The following ANKRD54 variants were observed in gnomAD, a reference collection of about 807,000 sequenced individuals.
ANKRD54 encodes ankyrin repeat domain 54, also known as ankyrin repeat domain-containing protein 54.
ANKRD54 carries 26 observed loss-of-function variants against 36.2 expected under a neutral mutation model. That is an observed-to-expected ratio of 0.72 (90% confidence interval 0.53 to 1.00). The LOEUF (loss-of-function observed/expected upper bound fraction) is 1.00. ANKRD54 is among the 50% of genes least tolerant of loss of function. The pLI, the probability that ANKRD54 is intolerant of heterozygous loss-of-function variation, is 0.00. For synonymous variants in ANKRD54, 209 were observed against 188.4 expected, an observed-to-expected ratio of 1.11 and a Z score of -0.89; for missense variants, 384 against 424.3, an observed-to-expected ratio of 0.91 and a Z score of 0.83.
chr22:37,844,170 G>A lies in ANKRD54; in HGVS notation c.69C>T (p.Cys23=), dbSNP rs765715116. The change falls in exon 1 of 8, where the codon TGC becomes TGT. Residue 23 remains cysteine, a synonymous_variant. Transcript: ENST00000215941. ...RSGHSSSEGE[C]AVAPEPLTDA... is the part of the protein sequence containing the mutation. ...CAGTCAGCGGCTCCGGCGCCACCGC[G>A]CACTCGCCCTCCGAGCTCGAGTGGC... 8 of 1,501,350 alleles carry A rather than the reference G, an allele frequency of 5.3e-6. No homozygotes were observed. In the South Asian group the frequency reaches 6.2e-5, roughly 12 times the overall value. 93.0% of individuals were successfully genotyped at this position (1,501,350 alleles called of 1,614,324 possible).
chr22:37,836,620 GA>G (rs1923583520), intron 3 of ANKRD54, among the ~76,000 whole-genome samples: 1 of 151,878 alleles, frequency 6.6e-6, no homozygotes, highest in African/African-American at 2.4e-5. Flanking sequence ...CCTAATGCAT[GA>G]GGGGCTTAAA....
chr22:37,849,322 T>C (rs185437710), upstream of ANKRD54: 12 of 1,148,262 alleles, frequency 1.0e-5, no homozygotes, highest in Admixed American at 8.5e-5. Context: ...CTGTCTCAGA[T>C]GGCCAGAGGC....
chr22:37,840,351 G>T (rs1339949316), intron 1 of ANKRD54, 117 bp from the exon 2 acceptor site: 2 of 1,064,688 alleles, frequency 1.9e-6, no homozygotes, highest in African/African-American at 1.6e-5. Flanking sequence ...AAGGTCAGGA[G>T]ATCGAGACCA....
rs8136916 is a variant in ANKRD54, at chr22:37,837,930, G to A, written c.475+570C>T. ...GGGTGGATCACGAGGTCAGGAGATCGAGACCATACTGGCTAATACAGTGAA... is the reference window on the plus strand; with the variant it reads ...GGGTGGATCACGAGGTCAGGAGATCAAGACCATACTGGCTAATACAGTGAA... On this transcript the variant is annotated intron_variant, in intron 3 of 7. Transcript: ENST00000215941. 3.8e-3 allele frequency among the ~76,000 whole-genome samples: 574 copies of A among 152,216 alleles called. 1 individual carries two copies. The highest frequency in any genetic ancestry group is 0.013 in the African/African-American group (545 of 41,530).
upstream of ANKRD54, among the ~76,000 whole-genome samples, chr22:37,847,006 A>G (rs1601745343): frequency 6.6e-6 from 1 of 150,704 alleles, no homozygotes; most frequent in African/African-American, 2.4e-5. Flanking sequence ...GGCGCCCGCC[A>G]CTACGCCCGG....
intron 3 of ANKRD54, chr22:37,833,958 T>C: frequency 1.8e-6 from 1 of 568,098 alleles, no homozygotes; most frequent in Non-Finnish European, 3.2e-6. Flanking sequence ...GAACTGAGGA[T>C]TTGGGGAGGG....
upstream of ANKRD54, chr22:37,844,399 G>C: frequency 2.8e-6 from 2 of 708,736 alleles, no homozygotes; most frequent in Non-Finnish European, 4.4e-6. Flanking sequence ...GAGACAGAGC[G>C]GCGAACCAAT....
chr22:37,844,409 T>C (rs777674186), upstream of ANKRD54: 1 of 613,512 alleles, frequency 1.6e-6, no homozygotes, highest in East Asian at 3.3e-5. Flanking sequence ...GGCGAACCAA[T>C]GACTACCCTT....
rs1001464413 is a variant in ANKRD54, at chr22:37,831,888, G to A, written c.*55C>T. 2.3e-5 allele frequency: 36 copies of A among 1,583,236 alleles called. No homozygotes were observed. Among genetic ancestry groups the A allele is most frequent in the Admixed American group, 1.0e-4 (6 of 58,960 alleles). ...AGATGTTGGGCTTTTTCTTGGTACT[G>A]AGACAGCAGTGGGGCAGGGTGGGGC... On this transcript the variant is annotated 3_prime_UTR_variant, in exon 8 of 8. Transcript: ENST00000215941.
chr22:37,847,964 T>TG (rs987685879), upstream of ANKRD54, among the ~76,000 whole-genome samples: 2 of 151,006 alleles, frequency 1.3e-5, no homozygotes, highest in African/African-American at 4.9e-5. Context: ...GGAATGGGAG[T>TG]GGGGGTGCCA....
chr22:37,838,624 A>G (rs371296331), intron 2 of ANKRD54, 26 bp from the exon 3 acceptor site: 65 of 1,593,836 alleles, frequency 4.1e-5, no homozygotes, highest in Non-Finnish European at 5.5e-5. Context: ...CAGAGGGAGG[A>G]AGGGGGAGAA....
upstream of ANKRD54, among the ~76,000 whole-genome samples, chr22:37,847,414 G>C (rs1453278337): frequency 6.6e-6 from 1 of 152,026 alleles, no homozygotes; most frequent in Non-Finnish European, 1.5e-5. Context: ...CATCTGCCTT[G>C]GCCTCCCAAA....
At chr22:37,841,332 C>A in intron 1 of ANKRD54, among the ~76,000 whole-genome samples, 1 of 151,784 alleles carries the variant, frequency 6.6e-6, no homozygotes, top group East Asian at 1.9e-4. Context: ...TTGAAACCAC[C>A]CTGGGCAACA....
chr22:37,839,469 GCT>G (rs1248091971), intron 2 of ANKRD54, among the ~76,000 whole-genome samples: 2 of 152,132 alleles, frequency 1.3e-5, no homozygotes, highest in Non-Finnish European at 2.9e-5. Context: ...CTCACTGCAA[GCT>G]CTGTCTCCCA....
chr22:37,845,301 C>T (rs1472334157), upstream of ANKRD54, among the ~76,000 whole-genome samples: 1 of 152,140 alleles, frequency 6.6e-6, no homozygotes, highest in Admixed American at 6.6e-5. Flanking sequence ...ACTTGGTGCC[C>T]CTGAGATGCT....
At chr22:37,842,866 T>C (rs1355613554) in intron 1 of ANKRD54, among the ~76,000 whole-genome samples, 2 of 152,224 alleles carry the variant, frequency 1.3e-5, no homozygotes, top group East Asian at 1.9e-4. Flanking sequence ...GAAGACAATA[T>C]GGTAGATATA....
upstream of ANKRD54, among the ~76,000 whole-genome samples, chr22:37,847,290 G>A (rs928492275): frequency 6.6e-6 from 1 of 151,662 alleles, no homozygotes; most frequent in African/African-American, 2.4e-5. Flanking sequence ...AGCCTCCCGA[G>A]TAGCTGGGAC....
At chr22:37,842,643 C>T (rs1287396285) in intron 1 of ANKRD54, among the ~76,000 whole-genome samples, 2 of 152,192 alleles carry the variant, frequency 1.3e-5, no homozygotes, top group South Asian at 2.1e-4. Flanking sequence ...TCTTTGTCAT[C>T]GGAGATATGG....
rs771824669 is a variant in ANKRD54 at position 37,844,313 on chromosome 22, T to G, written c.-75A>C. 6 of 1,455,048 alleles carry G rather than the reference T, an allele frequency of 4.1e-6. No homozygotes were observed. The highest frequency in any genetic ancestry group is 3.7e-6 in the Non-Finnish European group (4 of 1,094,586). 90.1% of individuals were successfully genotyped at this position (1,455,048 alleles called of 1,614,324 possible). On this transcript the variant is annotated 5_prime_UTR_variant, in exon 1 of 8. Transcript: ENST00000215941. ...CCAACGGACCTACTTCCCTCCGCCC[T>G]GAGTCGTGCTGTCAGCGAGCTGGCG... is the stretch of plus-strand genomic sequence containing the variant.
Sources: gnomAD v4.1 joint callset for allele counts (sites outside exome capture counted in the v4.1 genomes callset) on GRCh38, gnomAD v4.1.1 for gene constraint, MANE v1.5 for transcripts, NCBI Gene and HGNC (gene_info 2026-07-23, HGNC 2026-07-21) for gene names.